MPPED2: variants seen among roughly 807,000 people sequenced by gnomAD.
MPPED2 encodes the protein metallophosphoesterase MPPED2.
MPPED2 carries 5 observed loss-of-function variants against 33.0 expected under a neutral mutation model. The observed-to-expected ratio is 0.15, with a 90% confidence interval of 0.08 to 0.32. The LOEUF is 0.32. MPPED2 is among the 10% of genes least tolerant of loss of function. The pLI, the probability that MPPED2 is intolerant of heterozygous loss-of-function variation, is 1.00. For missense variants in MPPED2, 275 were observed against 372.1 expected, an observed-to-expected ratio of 0.74 and a Z score of 2.15; for synonymous variants, 136 against 141.9, an observed-to-expected ratio of 0.96 and a Z score of 0.29.
intron 6 of MPPED2, among the ~76,000 whole-genome samples, chr11:30,389,140 G>T (rs1590146511): frequency 1.3e-5 from 2 of 152,074 alleles, no homozygotes; most frequent in African/African-American, 4.8e-5. Context: ...TTTTAACAAG[G>T]CCCCTCCACC....
chr11:30,462,501 A>C (rs1827010746), intron 4 of MPPED2, among the ~76,000 whole-genome samples: 1 of 152,230 alleles, frequency 6.6e-6, no homozygotes, highest in African/African-American at 2.4e-5. Flanking sequence ...GTATGTTCAA[A>C]AATACTCTTA....
In MPPED2 at chr11:30,501,286, T is replaced by G. The variant is rs1166014164; in HGVS notation, c.311-5765A>C. 2.0e-5 allele frequency among the ~76,000 whole-genome samples: 3 copies of G among 152,228 alleles called. No homozygotes were observed. The South Asian group carries it at 6.2e-4, about 32-fold the overall frequency. On this transcript the variant is annotated intron_variant, in intron 3 of 6. Transcript: ENST00000358117. Reference sequence around the variant, plus strand: ...ATGTCACTACTCTCAAAGCAAAGCATCTGAAGACGAAAAAGAACATTTTGA... The same window carrying G: ...ATGTCACTACTCTCAAAGCAAAGCAGCTGAAGACGAAAAAGAACATTTTGA...
intron 4 of MPPED2, among the ~76,000 whole-genome samples, chr11:30,489,229 G>T (rs948955205): frequency 6.6e-6 from 1 of 152,148 alleles, no homozygotes; most frequent in African/African-American, 2.4e-5. Context: ...CTTGAAGACT[G>T]TCAGCAAAAT....
chr11:30,563,748 G>T (rs1415760209), intron 2 of MPPED2, among the ~76,000 whole-genome samples: 1 of 152,192 alleles, frequency 6.6e-6, no homozygotes, highest in Non-Finnish European at 1.5e-5. Context: ...TTATTGATTT[G>T]TCAAAGATGA....
intron 4 of MPPED2, among the ~76,000 whole-genome samples, chr11:30,470,526 G>A (rs1950904034): frequency 6.6e-6 from 1 of 152,004 alleles, no homozygotes; most frequent in Admixed American, 6.6e-5. Context: ...AATTGACCGT[G>A]GTAATGACTG....
chr11:30,568,102 T>C (rs1956526094), intron 2 of MPPED2, among the ~76,000 whole-genome samples: 2 of 152,214 alleles, frequency 1.3e-5, no homozygotes, highest in South Asian at 4.1e-4. Context: ...ATAGCCACCA[T>C]ACATGGAACA....
intron 4 of MPPED2, among the ~76,000 whole-genome samples, chr11:30,450,971 A>T (rs1950033821): frequency 1.3e-5 from 2 of 152,238 alleles, no homozygotes; most frequent in Admixed American, 6.5e-5. Context: ...TAAAGGATTC[A>T]TAAACTATCC....
chr11:30,392,114 T>C (rs1947785816), intron 6 of MPPED2, among the ~76,000 whole-genome samples: 1 of 152,242 alleles, frequency 6.6e-6, no homozygotes, highest in African/African-American at 2.4e-5. Context: ...CCTTCCACTT[T>C]GAATTTCTAA....
intron 2 of MPPED2, among the ~76,000 whole-genome samples, chr11:30,548,327 C>A (rs1414975): frequency 0.012 from 1,796 of 152,244 alleles, 31 homozygotes; most frequent in African/African-American, 0.041. Flanking sequence ...GATTCTCCCA[C>A]CTCAGTCTCC....
intron 3 of MPPED2, among the ~76,000 whole-genome samples, chr11:30,514,876 G>C (rs1341497620): frequency 6.6e-6 from 1 of 152,188 alleles, no homozygotes; most frequent in Non-Finnish European, 1.5e-5. Context: ...ATGGTGGGCA[G>C]ATCACTGGAG....
chr11:30,505,943 C>T (rs1952804655), intron 3 of MPPED2, among the ~76,000 whole-genome samples: 1 of 152,132 alleles, frequency 6.6e-6, no homozygotes, highest in African/African-American at 2.4e-5. Flanking sequence ...ATTGTACAAT[C>T]TACCTTATGA....
intron 2 of MPPED2, among the ~76,000 whole-genome samples, chr11:30,551,363 A>G (rs778440053): frequency 1.3e-5 from 2 of 152,222 alleles, no homozygotes; most frequent in Non-Finnish European, 2.9e-5. Context: ...CAGAGATGCT[A>G]TAAATCATGA....
chr11:30,540,476 T>C (rs1955037310), intron 2 of MPPED2, among the ~76,000 whole-genome samples: 1 of 152,182 alleles, frequency 6.6e-6, no homozygotes, highest in Non-Finnish European at 1.5e-5. Context: ...ACTCAAAGCA[T>C]TTAGAACAGT....
At chr11:30,458,143 A>G (rs1222235570) in intron 4 of MPPED2, among the ~76,000 whole-genome samples, 1 of 152,214 alleles carries the variant, frequency 6.6e-6, no homozygotes, top group East Asian at 1.9e-4. Flanking sequence ...ATGAGAGATT[A>G]AGATGAAATG....
intron 4 of MPPED2, among the ~76,000 whole-genome samples, chr11:30,494,719 CAG>C (rs1472716906): frequency 1.1e-5 from 1 of 88,714 alleles, no homozygotes; most frequent in Non-Finnish European, 2.0e-5. Context: ...GCCTGGGCAA[CAG>C]AGAGATACTC....
chr11:30,448,492 TA>T (rs1394753438), intron 4 of MPPED2, among the ~76,000 whole-genome samples: 1 of 151,870 alleles, frequency 6.6e-6, no homozygotes, highest in Non-Finnish European at 1.5e-5. Context: ...TGCTACACAC[TA>T]AAGTGTTACG....
At chr11:30,575,721 T>A (rs1428887709) in intron 2 of MPPED2, among the ~76,000 whole-genome samples, 2 of 152,190 alleles carry the variant, frequency 1.3e-5, no homozygotes, top group African/African-American at 4.8e-5. Context: ...AAGGCCACTG[T>A]GATTCCACAG....
chr11:30,415,874 T>G (rs533085560), intron 5 of MPPED2, among the ~76,000 whole-genome samples: 1 of 152,214 alleles, frequency 6.6e-6, no homozygotes, highest in East Asian at 1.9e-4. Context: ...CATGTAAATG[T>G]TTCTCTGCTG....
downstream of MPPED2, among the ~76,000 whole-genome samples, chr11:30,408,493 G>A (rs1300673123): frequency 1.3e-5 from 2 of 152,096 alleles, no homozygotes; most frequent in Non-Finnish European, 2.9e-5. Context: ...TGTATTTTTA[G>A]TAGAGACGGG....
Sources: gnomAD v4.1 joint callset for allele counts (sites outside exome capture counted in the v4.1 genomes callset) on GRCh38, gnomAD v4.1.1 for gene constraint, MANE v1.5 for transcripts, NCBI Gene and HGNC (gene_info 2026-07-23, HGNC 2026-07-21) for gene names.